CNIH3: variants seen among roughly 807,000 people sequenced by gnomAD.
The protein encoded by CNIH3 is cornichon family AMPA receptor auxiliary protein 3.
A neutral mutation model predicts 24.1 loss-of-function variants in CNIH3; 14 were observed. The observed-to-expected ratio is 0.58, with a 90% confidence interval of 0.38 to 0.91. The LOEUF (loss-of-function observed/expected upper bound fraction) is 0.91. Ranked by LOEUF, CNIH3 falls within the 40% of genes least tolerant of loss-of-function variation. CNIH3 has a pLI of 0.00. For missense variants in CNIH3, 178 were observed against 196.8 expected (o/e 0.90, Z 0.57); for synonymous variants, 68 against 73.8 (o/e 0.92, Z 0.40).
At chr1:224,577,165 T>C (rs181674830) in intron 4 of CNIH3, among the ~76,000 whole-genome samples, 16 of 152,148 alleles carry the variant, frequency 1.1e-4, no homozygotes, top group African/African-American at 3.9e-4. Context: ...AAGGACTTCA[T>C]GAACCCAAAA....
chr1:224,638,648 G>A (rs548090341), intron 1 of CNIH3, among the ~76,000 whole-genome samples: 1 of 152,168 alleles, frequency 6.6e-6, no homozygotes, highest in East Asian at 1.9e-4. Flanking sequence ...GAAGGCTTAC[G>A]TGGGTTCAGG....
chr1:224,555,835 T>C (rs1680114248), intron 3 of CNIH3, among the ~76,000 whole-genome samples: 1 of 152,234 alleles, frequency 6.6e-6, no homozygotes, highest in Non-Finnish European at 1.5e-5. Flanking sequence ...GGTTCCGCAC[T>C]GCGGCTGTGG....
chr1:224,727,874 G>A (rs185702557), intron 3 of CNIH3, among the ~76,000 whole-genome samples: 137 of 152,094 alleles, frequency 9.0e-4, no homozygotes, highest in Non-Finnish European at 1.6e-3. Flanking sequence ...ACCTGAAATG[G>A]CAGAATAAAT....
At chr1:224,651,867 G>A (rs543412720) in intron 1 of CNIH3, among the ~76,000 whole-genome samples, 69 of 152,248 alleles carry the variant, frequency 4.5e-4, no homozygotes, top group African/African-American at 1.6e-3. Flanking sequence ...AAGGATATGT[G>A]TATTTTCGTT....
intron 1 of CNIH3, among the ~76,000 whole-genome samples, chr1:224,520,188 T>C (rs1678569290): frequency 6.6e-6 from 1 of 152,252 alleles, no homozygotes; most frequent in Non-Finnish European, 1.5e-5. Context: ...TCTCTGCTTC[T>C]ACACTTTGTG....
rs1020401781 is a variant in CNIH3 at position 224,673,683 on chromosome 1, A to G, written c.82-7275A>G. The stretch of plus-strand genomic sequence containing the variant: ...CTGATGCTTTTCTTATCTATTTGTG[A>G]ATTATCTCTTCTGCCCTTACCCTTG... On this transcript the variant is annotated intron_variant, in intron 1 of 5. Coordinates refer to ENST00000272133, the MANE Select transcript of CNIH3 (RefSeq NM_152495.2). Among the ~76,000 whole-genome samples, 96 of 151,982 alleles carry G rather than the reference A, an allele frequency of 6.3e-4. 2 individuals are homozygous for G. Among genetic ancestry groups the G allele is most frequent in the African/African-American group, 2.2e-3 (91 of 41,332 alleles).
chr1:224,664,467 A>C (rs894438630), intron 1 of CNIH3, among the ~76,000 whole-genome samples: 1 of 152,144 alleles, frequency 6.6e-6, no homozygotes, highest in South Asian at 2.1e-4. Context: ...TCCTCCATCA[A>C]ATATTTTTGC....
intron 2 of CNIH3, among the ~76,000 whole-genome samples, chr1:224,682,308 G>T (rs546791811): frequency 6.6e-6 from 1 of 152,162 alleles, no homozygotes; most frequent in East Asian, 1.9e-4. Flanking sequence ...GGACTCGTTT[G>T]TACAGGGATT....
chr1:224,638,760 C>T (rs937111180), intron 1 of CNIH3, among the ~76,000 whole-genome samples: 1 of 152,180 alleles, frequency 6.6e-6, no homozygotes, highest in Non-Finnish European at 1.5e-5. Context: ...CATGATACTC[C>T]GTCTTATCTT....
chr1:224,616,940 GACA>G lies in CNIH3; in HGVS notation c.-234_-232del. The G allele has an allele frequency of 7.3e-7, 1 of 1,367,116 alleles. No homozygotes were observed. Among genetic ancestry groups the G allele is most frequent in the Non-Finnish European group, 9.4e-7 (1 of 1,065,664 alleles). The allele number at this position is 1,367,116 out of a possible 1,614,324, so 84.7% of individuals were successfully genotyped here. ...CGGACGGTTCCCTCCAGCGACTCTC[GACA>G]CACGTTTTCCTGTCTTCGCCGGAGG... On this transcript the variant is annotated 5_prime_UTR_variant, in exon 1 of 6. Coordinates refer to ENST00000272133, the MANE Select transcript of CNIH3 (RefSeq NM_152495.2).
In CNIH3 at chr1:224,704,265, C is replaced by A. The variant is rs1687660540; in HGVS notation, c.198+19422C>A. Reference sequence around the variant, plus strand: ...TCTCCTAGAAGCAGAGGCACGGGAACAATGAGAAGGCTCTCTCCAGGGCAG... The same window carrying A: ...TCTCCTAGAAGCAGAGGCACGGGAAAAATGAGAAGGCTCTCTCCAGGGCAG... On this transcript the variant is annotated intron_variant, in intron 3 of 5. Transcript: ENST00000272133. The surrounding 1 kb of genome is among the most constrained non-coding windows in gnomAD (Gnocchi z 4.2). Among the ~76,000 whole-genome samples the A allele has an allele frequency of 6.6e-6, 1 of 152,150 alleles. No homozygotes were observed. Among genetic ancestry groups the A allele is most frequent in the Non-Finnish European group, 1.5e-5 (1 of 68,038 alleles).
rs1054173991 is a variant in CNIH3, at chr1:224,604,736, C to T, written n.402+38472C>T. On this transcript the variant is annotated intron_variant and non_coding_transcript_variant, in intron 3 of 7. Transcript: ENST00000478120. This position sits in a 1 kb window ranked among gnomAD's most constrained non-coding sequence, Gnocchi z 4.4. ...AAGCCAGGGACCCTTGCCGGTGACA[C>T]CTGGCCCAGGCGTCACTTGGCCATG... 2.0e-5 allele frequency among the ~76,000 whole-genome samples: 3 copies of T among 152,198 alleles called. No homozygotes were observed. The highest frequency in any genetic ancestry group is 2.4e-5 in the African/African-American group (1 of 41,434).
At chr1:224,718,145 A>C (rs1297891543) in intron 3 of CNIH3, among the ~76,000 whole-genome samples, 3 of 152,208 alleles carry the variant, frequency 2.0e-5, no homozygotes, top group East Asian at 3.8e-4. Context: ...CACAATAGGT[A>C]CATTTTCAGA....
intron 4 of CNIH3, among the ~76,000 whole-genome samples, chr1:224,577,463 C>T (rs1303818626): frequency 1.3e-5 from 2 of 152,072 alleles, no homozygotes; most frequent in African/African-American, 4.8e-5. Flanking sequence ...AAATGCTCAA[C>T]AACTGTAATT....
chr1:224,470,662 G>T (rs367632155), intron 1 of CNIH3, among the ~76,000 whole-genome samples: 1 of 152,004 alleles, frequency 6.6e-6, no homozygotes, highest in African/African-American at 2.4e-5. Context: ...GTAAAAATGG[G>T]ATCTGCCTAT....
chr1:224,561,739 T>C (rs1490803678), intron 3 of CNIH3, among the ~76,000 whole-genome samples: 1 of 152,204 alleles, frequency 6.6e-6, no homozygotes, highest in East Asian at 1.9e-4. Flanking sequence ...GCTCTCTCCC[T>C]CTCTATCCTG....
At chr1:224,592,621 C>A (rs907831482), downstream of CNIH3, among the ~76,000 whole-genome samples, 8 of 152,242 alleles carry the variant, frequency 5.3e-5, no homozygotes, top group East Asian at 1.5e-3. Flanking sequence ...CTGGAATTAG[C>A]AAATCAGAAA....
At chr1:224,628,437 C>T (rs1683649187) in intron 1 of CNIH3, among the ~76,000 whole-genome samples, 1 of 152,100 alleles carries the variant, frequency 6.6e-6, no homozygotes, top group African/African-American at 2.4e-5. Context: ...CAGTAGCTCC[C>T]CATTCTCTCC....
chr1:224,632,076 G>C (rs1683847639), intron 1 of CNIH3, among the ~76,000 whole-genome samples: 2 of 152,188 alleles, frequency 1.3e-5, no homozygotes, highest in African/African-American at 4.8e-5. Flanking sequence ...GTAGGAGATA[G>C]GACTTGGGAG....
Sources: gnomAD v4.1 joint callset for allele counts (sites outside exome capture counted in the v4.1 genomes callset) on GRCh38, gnomAD v4.1.1 for gene constraint, Gnocchi (gnomAD v3.1) non-coding constraint, MANE v1.5 for transcripts, NCBI Gene and HGNC (gene_info 2026-07-23, HGNC 2026-07-21) for gene names.